The following SPOPL variants were observed in gnomAD, a reference collection of about 807,000 sequenced individuals.
The protein encoded by SPOPL is speckle type BTB/POZ protein like.
A neutral mutation model predicts 53.8 loss-of-function variants in SPOPL; 23 were observed. That is an observed-to-expected ratio of 0.43 (90% CI 0.31 to 0.61). The LOEUF (loss-of-function observed/expected upper bound fraction) is 0.61. Among genes scored for constraint, SPOPL ranks in the 20% least tolerant of loss-of-function variants. The pLI is 0.12. For synonymous variants in SPOPL, 164 were observed against 149.7 expected, an observed-to-expected ratio of 1.10 and a Z score of -0.70; for missense variants, 442 against 466.9, an observed-to-expected ratio of 0.95 and a Z score of 0.49.
chr2:138,524,614 A>T (rs1291652527), intron 1 of SPOPL, among the ~76,000 whole-genome samples: 1 of 152,080 alleles, frequency 6.6e-6, no homozygotes, highest in Non-Finnish European at 1.5e-5. Context: ...CTGCTTAGAA[A>T]TTTTTTCCAC....
chr2:138,518,583 A>T (rs141362553), intron 1 of SPOPL, among the ~76,000 whole-genome samples: 1,656 of 152,336 alleles, frequency 0.011, 33 homozygotes, highest in African/African-American at 0.037. Context: ...TTCACCATTG[A>T]AACAACAGCC....
chr2:138,530,953 T>G (rs894797947), intron 1 of SPOPL, among the ~76,000 whole-genome samples: 1 of 79,720 alleles, frequency 1.3e-5, no homozygotes, highest in East Asian at 2.8e-4. Flanking sequence ...GTGTGTGTGT[T>G]TTAAGACACT....
chr2:138,529,536 T>TGCACGCG (rs72375808), intron 1 of SPOPL, among the ~76,000 whole-genome samples: 103 of 97,630 alleles, frequency 1.1e-3, no homozygotes, highest in African/African-American at 3.5e-3. Context: ...GTGTGTGTGT[T>TGCACGCG]TGCGTGCGCG....
intron 1 of SPOPL, among the ~76,000 whole-genome samples, chr2:138,531,272 C>T (rs547976149): frequency 8.5e-5 from 13 of 152,054 alleles, no homozygotes; most frequent in African/African-American, 2.9e-4. Context: ...GTAGAGATTA[C>T]AGTATACTTC....
chr2:138,504,312 A>T (rs911543625), intron 1 of SPOPL, among the ~76,000 whole-genome samples: 5 of 152,188 alleles, frequency 3.3e-5, no homozygotes, highest in Non-Finnish European at 7.3e-5. Flanking sequence ...CTGTATATCC[A>T]GGTTCTACCT....
At chr2:138,566,367 C>T (rs889656313) in intron 10 of SPOPL, among the ~76,000 whole-genome samples, 6 of 152,116 alleles carry the variant, frequency 3.9e-5, no homozygotes, top group Non-Finnish European at 8.8e-5. Flanking sequence ...TAAGGAAATA[C>T]TTCACATTTT....
At chr2:138,507,454 C>G (rs1043902777) in intron 1 of SPOPL, among the ~76,000 whole-genome samples, 1 of 152,276 alleles carries the variant, frequency 6.6e-6, no homozygotes, top group East Asian at 1.9e-4. Flanking sequence ...TTAGTGCTGT[C>G]GTGGCAGTTT....
intron 1 of SPOPL, among the ~76,000 whole-genome samples, chr2:138,540,936 A>C (rs1685057940): frequency 1.3e-5 from 2 of 152,174 alleles, no homozygotes; most frequent in African/African-American, 4.8e-5. Flanking sequence ...TAATTTATTG[A>C]GAATTTTTAG....
At chr2:138,544,198 G>C (rs924519164) in intron 1 of SPOPL, among the ~76,000 whole-genome samples, 3 of 152,216 alleles carry the variant, frequency 2.0e-5, no homozygotes, top group African/African-American at 7.2e-5. Context: ...ACTTGAGGTG[G>C]CAGTCTGTCT....
intron 1 of SPOPL, among the ~76,000 whole-genome samples, chr2:138,543,852 C>A (rs1024933007): frequency 6.6e-6 from 1 of 152,024 alleles, no homozygotes; most frequent in Non-Finnish European, 1.5e-5. Flanking sequence ...TGTTTTTTCC[C>A]CATCTTTGTG....
intron 1 of SPOPL, among the ~76,000 whole-genome samples, chr2:138,542,551 T>A (rs1685096334): frequency 6.6e-6 from 1 of 152,206 alleles, no homozygotes; most frequent in Non-Finnish European, 1.5e-5. Context: ...GAGACTAGGA[T>A]TGCAATCCCT....
intron 1 of SPOPL, among the ~76,000 whole-genome samples, chr2:138,542,041 G>T (rs561257073): frequency 1.3e-5 from 2 of 152,274 alleles, no homozygotes; most frequent in African/African-American, 2.4e-5. Context: ...ATGTAATTGA[G>T]TGGTTTTGAG....
At chr2:138,558,766 A>G (rs1323351996) in intron 5 of SPOPL, among the ~76,000 whole-genome samples, 1 of 152,176 alleles carries the variant, frequency 6.6e-6, no homozygotes, top group Non-Finnish European at 1.5e-5. Flanking sequence ...AATTACTTTA[A>G]TAATCAAGCA....
intron 1 of SPOPL, among the ~76,000 whole-genome samples, chr2:138,527,565 T>C (rs576887167): frequency 1.5e-4 from 23 of 152,228 alleles, no homozygotes; most frequent in Non-Finnish European, 3.1e-4. Context: ...CAAAGCAGCT[T>C]GTTCTTGTCT....
At chr2:138,524,807 AT>A (rs2104867320) in intron 1 of SPOPL, among the ~76,000 whole-genome samples, 1 of 152,310 alleles carries the variant, frequency 6.6e-6, no homozygotes, top group Non-Finnish European at 1.5e-5. Flanking sequence ...CATTATTAGC[AT>A]TTTGGTCAAA....
In SPOPL at chr2:138,564,961, T is replaced by G. The variant is rs781303251; in HGVS notation, c.1002T>G (p.Leu334=). The G allele has an allele frequency of 1.9e-6, 3 of 1,614,082 alleles. No homozygotes were observed. The highest frequency in any genetic ancestry group is 1.7e-6 in the Non-Finnish European group (2 of 1,180,010). Residue 334 remains leucine (L), a synonymous_variant, in exon 10 of 11, where the codon CTT becomes CTG. Coordinates refer to ENST00000280098, the MANE Select transcript of SPOPL (RefSeq NM_001001664.3). ...FINRCSVLRQ[L]GCKDGKNWNS... is the part of the protein sequence containing the mutation. ...GCAGGTGCAGTGTACTTCGACAACT[T>G]GGGTGTAAAGATGGGAAAAACTGGA...
intron 1 of SPOPL, among the ~76,000 whole-genome samples, chr2:138,533,494 G>A (rs771592266): frequency 6.6e-6 from 1 of 151,978 alleles, no homozygotes; most frequent in Admixed American, 6.6e-5. Flanking sequence ...CCCAGGTTTC[G>A]TTAGAGTGCA....
chr2:138,560,362 G>C (rs1685516897), intron 7 of SPOPL, among the ~76,000 whole-genome samples: 1 of 151,980 alleles, frequency 6.6e-6, no homozygotes, highest in Non-Finnish European at 1.5e-5. Context: ...ACAAAGAAAG[G>C]GTTAATAGCC....
chr2:138,554,625 T>C, intron 5 of SPOPL: 2 of 700,298 alleles, frequency 2.9e-6, no homozygotes, highest in Non-Finnish European at 4.0e-6. Flanking sequence ...GAGATAGAGA[T>C]TGGTAGCAGT....
Sources: gnomAD v4.1 joint callset for allele counts (sites outside exome capture counted in the v4.1 genomes callset) on GRCh38, gnomAD v4.1.1 for gene constraint, MANE v1.5 for transcripts, NCBI Gene and HGNC (gene_info 2026-07-23, HGNC 2026-07-21) for gene names.